ECD: variants seen among roughly 807,000 people sequenced by gnomAD.
The protein encoded by ECD is ecdysoneless cell cycle regulator, also known as protein ecdysoneless homolog.
ECD carries 59 observed loss-of-function variants against 77.2 expected under a neutral mutation model. That is an observed-to-expected ratio of 0.76 (90% CI 0.62 to 0.95). The LOEUF (loss-of-function observed/expected upper bound fraction) is 0.95, where lower values mean the gene tolerates loss of function less well. Ranked by LOEUF, ECD falls within the 40% of genes least tolerant of loss-of-function variation. The probability of loss-of-function intolerance (pLI) is 0.00; values close to 1 mark genes in which losing one functional copy is unlikely to be tolerated. For synonymous variants in ECD, 233 were observed against 267.4 expected (o/e 0.87, Z 1.26); for missense variants, 704 against 763.4 (o/e 0.92, Z 0.92).
chr10:73,160,938 C>T lies in ECD; in HGVS notation c.206-387G>A, dbSNP rs1003306226. On this transcript the variant is annotated intron_variant, in intron 2 of 13. Transcript: ENST00000372979. ...ATAGAGTATTCTGGGAATACCAGGA[C>T]GCTAGATTTGGATGGAGCAGAAGTT... Among the ~76,000 whole-genome samples, 5 of 152,058 alleles carry T rather than the reference C, an allele frequency of 3.3e-5. No homozygotes were observed. In the East Asian group the frequency reaches 5.8e-4, roughly 18 times the overall value.
Position 73,163,742 on chromosome 10 carries a change from G to A in ECD, c.196C>T (p.Pro66Ser). The A allele has an allele frequency of 1.2e-6, 2 of 1,614,004 alleles. No homozygotes were observed. Among genetic ancestry groups the A allele is most frequent in the Non-Finnish European group, 1.7e-6 (2 of 1,179,994 alleles). The change falls in exon 2 of 14, where the codon CCT becomes TCT. Residue 66 changes from proline (P) to serine (S), a missense_variant. By Grantham distance (74) the Pro-to-Ser change is moderately conservative (BLOSUM62 -1). Around this residue, in one of 3 missense-constraint regions of ECD, gnomAD observed 559 missense variants for 583.7 expected, o/e 0.96. Coordinates refer to ENST00000372979, the MANE Select transcript of ECD (RefSeq NM_007265.3). ...QNQPFNLKYK[P>S]GKGGVPAHMF... The stretch of plus-strand genomic sequence containing the variant: ...AGTAAAAGAGCCTTACCTTTCCCAG[G>A]TTTATATTTAAGATTGAAAGGCTGA...
At chr10:73,136,959 T>TTA in intron 12 of ECD, 41 bp from the exon 13 acceptor site, 1 of 802,656 alleles carries the variant, frequency 1.2e-6, no homozygotes, top group South Asian at 5.0e-5. Context: ...TTAGTAATTA[T>TTA]TATTATTATT....
chr10:73,156,590 T>A lies in ECD; in HGVS notation c.389A>T (p.Asp130Val), dbSNP rs1260288847. 6.2e-7 allele frequency: 1 copy of A among 1,614,182 alleles called. No individual in the cohort carries two copies. The highest frequency in any genetic ancestry group is 8.5e-7 in the Non-Finnish European group (1 of 1,180,042). ...TACCCTATTGGTGCTATTTTCAGGA[T>A]CCAGCCATTTAGGGAGAAAGTCAGC... ...EAADFLPKWL[D>V]PENSTNRVFF... is the part of the protein sequence containing the mutation. The change falls in exon 4 of 14, where the codon GAT becomes GTT. Residue 130 changes from aspartate (D) to valine (V), a missense_variant. Asp to Val is a radical substitution (Grantham distance 152). This residue lies in a region of ECD where 559 missense variants were observed against 583.7 expected (regional missense o/e 0.96). Coordinates refer to ENST00000372979, the MANE Select transcript of ECD (RefSeq NM_007265.3).
rs560041510 is a variant in ECD at position 73,147,202 on chromosome 10, A to T, written c.1042-841T>A. Among the ~76,000 whole-genome samples the T allele has an allele frequency of 1.4e-4, 22 of 152,294 alleles. No individual in the cohort carries two copies. In the South Asian group the frequency reaches 4.6e-3, roughly 32 times the overall value. ...CGAGGCTGCAGTGAGCTATGATCCT[A>T]CCACAACACTGGCTTGCGTGACAAA... On this transcript the variant is annotated intron_variant, in intron 8 of 13. Transcript: ENST00000372979.
At chr10:73,164,998 C>T (rs577234601) in intron 1 of ECD, among the ~76,000 whole-genome samples, 2 of 152,312 alleles carry the variant, frequency 1.3e-5, no homozygotes, top group African/African-American at 2.4e-5. Flanking sequence ...AAACACTGCA[C>T]TAACACCTAC....
intron 1 of ECD, among the ~76,000 whole-genome samples, chr10:73,165,482 G>A (rs2133278322): frequency 6.6e-6 from 1 of 152,012 alleles, no homozygotes; most frequent in Non-Finnish European, 1.5e-5. Flanking sequence ...CTCCCGAGTA[G>A]CTGGGACTAT....
At chr10:73,147,219 C>T (rs1589116004) in intron 8 of ECD, among the ~76,000 whole-genome samples, 1 of 151,834 alleles carries the variant, frequency 6.6e-6, no homozygotes, top group African/African-American at 2.4e-5. Context: ...CACTGGCTTG[C>T]GTGACAAAGC....
chr10:73,139,689 T>C lies in ECD; in HGVS notation c.1176A>G (p.Thr392=). Residue 392 remains threonine (T), a synonymous_variant, in exon 10 of 14, where the codon ACA becomes ACG. Coordinates refer to ENST00000372979, the MANE Select transcript of ECD (RefSeq NM_007265.3). ...TAAGGTCTTCTATATCAAATGGTAT[T>C]GTCTGTAATAAGGTTAAGATTTCTT... ...PGEEILTLLQ[T]IPFDIEDLKK... 1 of 1,611,444 alleles carries C rather than the reference T, an allele frequency of 6.2e-7. No individual in the cohort carries two copies. Among genetic ancestry groups the C allele is most frequent in the Non-Finnish European group, 8.5e-7 (1 of 1,179,346 alleles).
At position 73,163,810 on chromosome 10, in the gene ECD, A is replaced by G. The variant is rs1234801117; in HGVS notation, c.128T>C (p.Ile43Thr). 3.1e-6 allele frequency: 5 copies of G among 1,614,030 alleles called. No homozygotes were observed. Among genetic ancestry groups the G allele is most frequent in the Non-Finnish European group, 4.2e-6 (5 of 1,180,038 alleles). The change falls in exon 2 of 14, where the codon ATC becomes ACC. Residue 43 changes from isoleucine to threonine, a missense_variant. By Grantham distance (89) the Ile-to-Thr change is moderately conservative (BLOSUM62 -1). Transcript: ENST00000372979. ...EILQKYIERI[I>T]TRFAPMLVPY... is the part of the protein sequence containing the mutation. ...GACCAGCATAGGTGCAAACCGAGTGATTATTCTCTCAATGTACTTCTGAAG... is the reference window on the plus strand; with the variant it reads ...GACCAGCATAGGTGCAAACCGAGTGGTTATTCTCTCAATGTACTTCTGAAG...
Position 73,160,613 on chromosome 10 carries a change from C to A in ECD, c.206-62G>T, listed in dbSNP as rs1004478515. The A allele has an allele frequency of 2.5e-6, 3 of 1,199,324 alleles. No homozygotes were observed. The African/African-American group carries it at 4.6e-5, about 18-fold the overall frequency. The allele number at this position is 1,199,324 out of a possible 1,614,324, so 74.3% of individuals were successfully genotyped here. On this transcript the variant is annotated intron_variant, in intron 2 of 13. Coordinates refer to ENST00000372979, the MANE Select transcript of ECD (RefSeq NM_007265.3). ...AATTTGTTACTGCAAATAAAATGCACATAATCATTCAACTGAATACACATT... is the reference window on the plus strand; with the variant it reads ...AATTTGTTACTGCAAATAAAATGCAAATAATCATTCAACTGAATACACATT...
At position 73,152,273 on chromosome 10, in the gene ECD, A is replaced by AT. The variant is rs1275808279; in HGVS notation, c.912+19dup. On this transcript the variant is annotated intron_variant, in intron 7 of 13. Transcript: ENST00000372979. ...CATTTACATAAAGAAAGGAAACAAC[A>AT]TTTTCTGGTTCAACATTACCAATTT... The AT allele has an allele frequency of 6.2e-7, 1 of 1,608,766 alleles. No homozygotes were observed. Among genetic ancestry groups the AT allele is most frequent in the Middle Eastern group, 1.7e-4 (1 of 6,046 alleles).
At chr10:73,148,519 G>T in intron 7 of ECD, 115 bp from the exon 8 acceptor site, 2 of 1,120,372 alleles carry the variant, frequency 1.8e-6, no homozygotes, top group Non-Finnish European at 1.2e-6. Flanking sequence ...CTGGATACAT[G>T]GGCATTTGGA....
chr10:73,140,201 T>G (rs1172087875), intron 9 of ECD, among the ~76,000 whole-genome samples: 1 of 151,810 alleles, frequency 6.6e-6, no homozygotes, highest in Non-Finnish European at 1.5e-5. Flanking sequence ...GCCAGGTTGG[T>G]CTCGAACTCC....
In ECD at chr10:73,143,785, ATTT is replaced by A. The variant is rs11306116; in HGVS notation, c.1127+2488_1127+2490del. ...ATAGTAGGTCTTACTCATTCGTTCT[ATTT>A]TTTTTTTTTTTTGGTACCCATTACT... On this transcript the variant is annotated intron_variant, in intron 9 of 13. Transcript: ENST00000372979. 1.3e-4 allele frequency among the ~76,000 whole-genome samples: 15 copies of A among 118,948 alleles called. 1 individual carries two copies. Among genetic ancestry groups the A allele is most frequent in the Non-Finnish European group, 1.7e-4 (10 of 58,348 alleles). 78.0% of individuals were successfully genotyped at this position (118,948 alleles called of 152,430 possible).
intron 3 of ECD, 92 bp downstream of exon 3, chr10:73,160,342 C>T: frequency 1.2e-6 from 1 of 822,896 alleles, no homozygotes; most frequent in Non-Finnish European, 1.8e-6. Flanking sequence ...CAGCAGACTA[C>T]AGGAGAAAAA....
At chr10:73,152,914 C>A (rs1171478640) in intron 6 of ECD, among the ~76,000 whole-genome samples, 270 of 148,740 alleles carry the variant, frequency 1.8e-3, no homozygotes, top group East Asian at 6.5e-3. Context: ...GACACTGTTG[C>A]AAAAAAAATT....
intron 9 of ECD, among the ~76,000 whole-genome samples, chr10:73,141,934 A>G (rs930812198): frequency 1.3e-5 from 2 of 152,142 alleles, no homozygotes; most frequent in South Asian, 2.1e-4. Context: ...CACTCAACAC[A>G]TAAGTATCTC....
chr10:73,160,569 G>A lies in ECD; in HGVS notation c.206-18C>T, dbSNP rs528960895. ...AACACCTCCTAAAAACAAGAGAAAA[G>A]CAACCATGTAACCAGATAAATTTGT... On this transcript the variant is annotated intron_variant, in intron 2 of 13. Transcript: ENST00000372979. The A allele has an allele frequency of 7.1e-6, 11 of 1,551,296 alleles. No individual in the cohort carries two copies. In the East Asian group the frequency reaches 2.5e-4, roughly 35 times the overall value.
At chr10:73,136,668 G>T (rs1451961039) in intron 13 of ECD, 36 bp downstream of exon 13, 2 of 1,577,536 alleles carry the variant, frequency 1.3e-6, no homozygotes, top group Non-Finnish European at 1.7e-6. Context: ...TGACATACTA[G>T]ACTCAGAAAG....
Sources: gnomAD v4.1 joint callset for allele counts (sites outside exome capture counted in the v4.1 genomes callset) on GRCh38, gnomAD v4.1.1 for gene constraint, gnomAD v4.1.1 regional missense constraint, MANE v1.5 for transcripts, NCBI Gene and HGNC (gene_info 2026-07-23, HGNC 2026-07-21) for gene names.